The following LRRTM4 variants were observed in gnomAD, a reference collection of about 807,000 sequenced individuals.
LRRTM4 encodes the protein leucine-rich repeat transmembrane neuronal protein 4.
LRRTM4 carries 25 observed loss-of-function variants against 47.6 expected under a neutral mutation model. The observed-to-expected ratio is 0.53, with a 90% CI of 0.38 to 0.73. The LOEUF is 0.73. Ranked by LOEUF, LRRTM4 falls within the 30% of genes least tolerant of loss-of-function variation. The pLI is 0.00. For synonymous variants in LRRTM4, 311 were observed against 269.5 expected (o/e 1.15, Z -1.51); for missense variants, 638 against 713.4 (o/e 0.89, Z 1.20).
At chr2:76,807,472 A>G (rs143367668) in intron 3 of LRRTM4, among the ~76,000 whole-genome samples, 10,237 of 67,580 alleles carry the variant, frequency 0.15, 656 homozygotes, top group Non-Finnish European at 0.16. Flanking sequence ...ATATATATAC[A>G]TATATATATA....
intron 3 of LRRTM4, among the ~76,000 whole-genome samples, chr2:76,982,057 T>A (rs1676628051): frequency 6.6e-6 from 1 of 152,012 alleles, no homozygotes; most frequent in Non-Finnish European, 1.5e-5. Context: ...GCTCAGTGAA[T>A]TTCTATTTTC....
At chr2:77,210,267 C>T (rs1674255229) in intron 3 of LRRTM4, among the ~76,000 whole-genome samples, 1 of 152,140 alleles carries the variant, frequency 6.6e-6, no homozygotes. Context: ...TATCTCACAA[C>T]ACAAAATCCT....
chr2:77,264,269 G>A (rs1675993196), intron 3 of LRRTM4, among the ~76,000 whole-genome samples: 2 of 152,032 alleles, frequency 1.3e-5, no homozygotes, highest in African/African-American at 2.4e-5. Flanking sequence ...TTGTTCTCAT[G>A]TGGCCTTTCC....
At chr2:77,231,988 T>G (rs1238247086) in intron 3 of LRRTM4, among the ~76,000 whole-genome samples, 1 of 152,250 alleles carries the variant, frequency 6.6e-6, no homozygotes, top group Non-Finnish European at 1.5e-5. Flanking sequence ...TTCAAATTAT[T>G]CCTTTGTTCA....
chr2:77,277,080 A>T (rs1676381367), intron 3 of LRRTM4, among the ~76,000 whole-genome samples: 1 of 151,880 alleles, frequency 6.6e-6, no homozygotes, highest in Admixed American at 6.6e-5. Flanking sequence ...TACACAGTAT[A>T]TGTCAGGGCA....
intron 3 of LRRTM4, among the ~76,000 whole-genome samples, chr2:76,881,365 T>C (rs1471597055): frequency 6.6e-6 from 1 of 151,902 alleles, no homozygotes; most frequent in Non-Finnish European, 1.5e-5. Flanking sequence ...CTTTTCTTTT[T>C]AACGTGGTAT....
At chr2:77,469,296 A>G (rs1335797183) in intron 3 of LRRTM4, among the ~76,000 whole-genome samples, 1 of 152,226 alleles carries the variant, frequency 6.6e-6, no homozygotes, top group Non-Finnish European at 1.5e-5. Context: ...GCCCACACAG[A>G]AGCGTCTTTA....
chr2:76,808,999 A>G (rs1192127011), intron 3 of LRRTM4, among the ~76,000 whole-genome samples: 1 of 152,174 alleles, frequency 6.6e-6, no homozygotes, highest in East Asian at 1.9e-4. Context: ...TGATTTTCAA[A>G]CAGCTGGGTT....
intron 3 of LRRTM4, among the ~76,000 whole-genome samples, chr2:76,779,518 G>T (rs13404028): frequency 0.72 from 97,016 of 134,954 alleles, 36,579 homozygotes; most frequent in African/African-American, 0.93. Context: ...TCATGTAATG[G>T]CCTTCACTGT....
At chr2:77,056,193 TA>T (rs995437632) in intron 3 of LRRTM4, among the ~76,000 whole-genome samples, 6 of 151,012 alleles carry the variant, frequency 4.0e-5, no homozygotes, top group Admixed American at 3.3e-4. Context: ...AGTATAATAA[TA>T]AAAAGCTAAT....
rs1341475713 is a variant in LRRTM4, at chr2:77,226,526, G to A, written c.1551+291792C>T. ...TTTCTACTGATGTGCTTATTACAGA[G>A]CAAATTATATACATATATATATATA... On this transcript the variant is annotated intron_variant, in intron 3 of 3. Coordinates refer to ENST00000409884, the MANE Select transcript of LRRTM4 (RefSeq NM_001134745.3). Among the ~76,000 whole-genome samples the A allele has an allele frequency of 2.4e-5, 3 of 125,244 alleles. No homozygotes were observed. The Admixed American group carries it at 2.8e-4, about 12-fold the overall frequency. 82.2% of individuals were successfully genotyped at this position (125,244 alleles called of 152,430 possible).
At chr2:77,020,915 G>A (rs1440737497) in intron 3 of LRRTM4, among the ~76,000 whole-genome samples, 1 of 152,158 alleles carries the variant, frequency 6.6e-6, no homozygotes, top group Non-Finnish European at 1.5e-5. Flanking sequence ...GAATTGTTAT[G>A]GACTGGTGAT....
intron 3 of LRRTM4, among the ~76,000 whole-genome samples, chr2:76,812,642 C>G (rs1011621422): frequency 2.0e-5 from 3 of 146,474 alleles, no homozygotes; most frequent in Non-Finnish European, 4.5e-5. Context: ...AGCCCCAACA[C>G]TTTCCTATGA....
At chr2:77,488,674 A>C (rs1042250257) in intron 3 of LRRTM4, among the ~76,000 whole-genome samples, 4 of 152,240 alleles carry the variant, frequency 2.6e-5, no homozygotes, top group Non-Finnish European at 5.9e-5. Context: ...AAGTAAAACC[A>C]GTTTGAATTA....
intron 3 of LRRTM4, among the ~76,000 whole-genome samples, chr2:76,893,872 T>C (rs1409812959): frequency 6.6e-6 from 1 of 151,908 alleles, no homozygotes; most frequent in Non-Finnish European, 1.5e-5. Flanking sequence ...GGGTGCATTT[T>C]ATTTGTACAT....
intron 3 of LRRTM4, among the ~76,000 whole-genome samples, chr2:77,228,849 C>A (rs1674887602): frequency 1.3e-5 from 2 of 152,076 alleles, no homozygotes; most frequent in Admixed American, 6.6e-5. Flanking sequence ...CTGGGAATTA[C>A]CTTAGAATAA....
intron 3 of LRRTM4, among the ~76,000 whole-genome samples, chr2:77,032,396 C>T (rs1678691719): frequency 2.0e-5 from 3 of 152,068 alleles, no homozygotes; most frequent in Admixed American, 2.0e-4. Flanking sequence ...TACCATTGGA[C>T]TATTATATGT....
At chr2:76,840,971 C>T (rs1238529846) in intron 3 of LRRTM4, among the ~76,000 whole-genome samples, 1 of 151,556 alleles carries the variant, frequency 6.6e-6, no homozygotes, top group South Asian at 2.1e-4. Context: ...AAGACACATG[C>T]ACACGTATGT....
intron 3 of LRRTM4, among the ~76,000 whole-genome samples, chr2:77,351,639 TAG>T (rs1308949148): frequency 1.4e-5 from 2 of 147,962 alleles, no homozygotes; most frequent in African/African-American, 5.0e-5. Context: ...TATATATATA[TAG>T]TTAATGTGAA....
Sources: allele counts gnomAD v4.1 joint callset (sites outside exome capture counted in the v4.1 genomes callset), GRCh38; gene constraint gnomAD v4.1.1; transcripts MANE v1.5; gene names NCBI Gene and HGNC (gene_info 2026-07-23, HGNC 2026-07-21).